Variants in LIPM observed in about 807,000 individuals in gnomAD.
The protein encoded by LIPM is lipase family member M.
A neutral mutation model predicts 42.4 loss-of-function variants in LIPM; 42 were observed. The ratio of observed to expected loss-of-function variants is 0.99; its 90% CI spans 0.77 to 1.28. The LOEUF (loss-of-function observed/expected upper bound fraction) is 1.28. Ranked by LOEUF, LIPM falls within the 50% of genes most tolerant of loss-of-function variation. The pLI is 0.00. For synonymous variants in LIPM, 177 were observed against 173.3 expected (o/e 1.02, Z -0.17); for missense variants, 524 against 520.1 (o/e 1.01, Z -0.07).
At chr10:88,818,397 T>G (rs943580144) in intron 8 of LIPM, among the ~76,000 whole-genome samples, 14 of 152,222 alleles carry the variant, frequency 9.2e-5, no homozygotes, top group Admixed American at 6.5e-4. Context: ...ATAAAAATTT[T>G]GGGCTTAGAA....
chr10:88,813,382 AT>A, intron 3 of LIPM, 87 bp downstream of exon 3: 1 of 1,142,982 alleles, frequency 8.7e-7, no homozygotes, highest in Non-Finnish European at 1.2e-6. Context: ...TATTTGGTTG[AT>A]TTATTTTGGT....
chr10:88,814,198 G>T (rs1224859374), intron 3 of LIPM, among the ~76,000 whole-genome samples: 2 of 152,192 alleles, frequency 1.3e-5, no homozygotes, highest in African/African-American at 2.4e-5. Context: ...TCCTGTAAAT[G>T]AATCTGCAGA....
At chr10:88,818,808 G>T (rs1047689902) in intron 8 of LIPM, among the ~76,000 whole-genome samples, 1 of 152,108 alleles carries the variant, frequency 6.6e-6, no homozygotes, top group African/African-American at 2.4e-5. Flanking sequence ...GGTATCAGCT[G>T]CTTCTCTTGA....
chr10:88,814,681 G>A (rs982771678), intron 4 of LIPM, 42 bp downstream of exon 4: 5 of 1,403,408 alleles, frequency 3.6e-6, no homozygotes, highest in Admixed American at 2.0e-5. Context: ...CGGAAGAAAT[G>A]TGAGCATACG....
At chr10:88,814,212 C>T (rs970945413) in intron 3 of LIPM, among the ~76,000 whole-genome samples, 7 of 152,218 alleles carry the variant, frequency 4.6e-5, no homozygotes, top group South Asian at 2.1e-4. Flanking sequence ...CTGCAGAGCC[C>T]TGTGCGGTTC....
rs766319379 is a variant in LIPM, at chr10:88,815,431, G to C, written c.786G>C (p.Gln262His). The change falls in exon 6 of 9, where the codon CAG becomes CAC. Residue 262 changes from glutamine (Q) to histidine (H), a missense_variant. Transcript: ENST00000404743. ...LRQLVIYLCG[Q>H]VILDQICSNI... Reference sequence around the variant, plus strand: ...AACTTGTTATTTACCTTTGTGGCCAGGTGATTCTTGATCAGATTTGTAGTA... The same window carrying C: ...AACTTGTTATTTACCTTTGTGGCCACGTGATTCTTGATCAGATTTGTAGTA... 1 of 1,551,492 alleles carries C rather than the reference G, an allele frequency of 6.4e-7. No individual in the cohort carries two copies.
chr10:88,807,949 T>G (rs1012696487), intron 1 of LIPM, among the ~76,000 whole-genome samples: 3 of 152,170 alleles, frequency 2.0e-5, no homozygotes, highest in Non-Finnish European at 4.4e-5. Flanking sequence ...ACATCAAAAT[T>G]CCCTAAAGAG....
chr10:88,803,854 G>A (rs752465976), intron 1 of LIPM, among the ~76,000 whole-genome samples: 24 of 152,218 alleles, frequency 1.6e-4, no homozygotes, highest in Middle Eastern at 6.8e-3. Context: ...TAATAGCATA[G>A]CTACTATTTA....
rs562797592 is a variant in LIPM, at chr10:88,806,004, A to AGGTC, written c.148-2293_148-2290dup. The stretch of plus-strand genomic sequence containing the variant: ...ATGACCAGGCCTTTAGACCGCAAAC[A>AGGTC]GGTCAGTCACTGGATGTGGCAGGAA... On this transcript the variant is annotated intron_variant, in intron 1 of 8. Coordinates refer to ENST00000404743, the MANE Select transcript of LIPM (RefSeq NM_001128215.1). The AGGTC allele has an allele frequency of 5.7e-4, 260 of 456,626 alleles. 1 individual carries two copies. The highest frequency in any genetic ancestry group is 4.4e-3 in the African/African-American group (219 of 50,196). The allele number at this position is 456,626 out of a possible 1,614,324, so 28.3% of individuals were successfully genotyped here.
intron 8 of LIPM, among the ~76,000 whole-genome samples, chr10:88,818,237 G>A (rs991897918): frequency 2.6e-5 from 4 of 152,102 alleles, no homozygotes; most frequent in African/African-American, 9.7e-5. Context: ...AAAATGGGAT[G>A]GTGGCAGTAA....
At chr10:88,817,495 C>T (rs748974676) in intron 7 of LIPM, among the ~76,000 whole-genome samples, 14 of 152,190 alleles carry the variant, frequency 9.2e-5, no homozygotes, top group Non-Finnish European at 1.9e-4. Flanking sequence ...TCCAGGATCA[C>T]CACATTGCAC....
chr10:88,818,502 T>G (rs1843745218), intron 8 of LIPM, among the ~76,000 whole-genome samples: 1 of 152,236 alleles, frequency 6.6e-6, no homozygotes, highest in Non-Finnish European at 1.5e-5. Flanking sequence ...CAAGAAAATA[T>G]GTAGCTAATG....
Position 88,808,186 on chromosome 10 carries a change from G to T in LIPM, c.148-112G>T, listed in dbSNP as rs1185977395. 2.1e-5 allele frequency: 13 copies of T among 633,072 alleles called. 1 individual carries two copies. In the African/African-American group the frequency reaches 2.4e-4, roughly 12 times the overall value. 39.2% of individuals were successfully genotyped at this position (633,072 alleles called of 1,614,324 possible). The stretch of plus-strand genomic sequence containing the variant: ...AGGTAACATGATTAGCTAGGGAAAA[G>T]CAAGGACTTTCACTGTGTTTTACAG... On this transcript the variant is annotated intron_variant, in intron 1 of 8. Transcript: ENST00000404743.
intron 2 of LIPM, among the ~76,000 whole-genome samples, chr10:88,811,511 C>T (rs1843656514): frequency 6.6e-6 from 1 of 152,118 alleles, no homozygotes; most frequent in Non-Finnish European, 1.5e-5. Flanking sequence ...ATCTTTCAGC[C>T]AAATTTGCTA....
At chr10:88,815,655 G>A (rs937460459) in intron 6 of LIPM, among the ~76,000 whole-genome samples, 152 bp downstream of exon 6, 1 of 152,160 alleles carries the variant, frequency 6.6e-6, no homozygotes, top group East Asian at 1.9e-4. Context: ...GGAAATAAGG[G>A]AAATGCTTCA....
At chr10:88,804,435 G>A (rs1467283131) in intron 1 of LIPM, among the ~76,000 whole-genome samples, 11 of 152,250 alleles carry the variant, frequency 7.2e-5, no homozygotes, top group Admixed American at 2.6e-4. Flanking sequence ...TAGAAAATTC[G>A]TACGATTGGT....
chr10:88,820,492 C>T lies in LIPM; in HGVS notation c.1263C>T (p.Ala421=), dbSNP rs180702258. 3.9e-3 allele frequency: 6,057 copies of T among 1,550,258 alleles called. 20 individuals are homozygous for T. Among genetic ancestry groups the T allele is most frequent in the Middle Eastern group, 6.1e-3 (35 of 5,692 alleles). The change falls in exon 9 of 9, where the codon GCC becomes GCT. Residue 421 remains alanine, a synonymous_variant. Transcript: ENST00000404743. The part of the protein sequence containing the change: ...ETNLSQGRCE[A]VL Reference sequence around the variant, plus strand: ...ACCTTTCCCAGGGACGGTGTGAGGCCGTATTGTGAAGCATCTGACACTGAC... The same window carrying T: ...ACCTTTCCCAGGGACGGTGTGAGGCTGTATTGTGAAGCATCTGACACTGAC...
rs769184636 is a variant in LIPM at position 88,820,479 on chromosome 10, G to A, written c.1250G>A (p.Gly417Glu). Residue 417 changes from glycine to glutamate, a missense_variant, in exon 9 of 9, where the codon GGA becomes GAA. Transcript: ENST00000404743. ...MQQEETNLSQ[G>E]RCEAVL ...CAGGAGGAGACCAACCTTTCCCAGG[G>A]ACGGTGTGAGGCCGTATTGTGAAGC... is the stretch of plus-strand genomic sequence containing the variant. 13 of 1,551,228 alleles carry A rather than the reference G, an allele frequency of 8.4e-6. No individual in the cohort carries two copies. The East Asian group carries it at 2.4e-4, about 29-fold the overall frequency.
Position 88,815,505 on chromosome 10 carries a change from T to C in LIPM, c.858+2T>C, listed in dbSNP as rs1004371178. The C allele has an allele frequency of 6.4e-7, 1 of 1,550,838 alleles. No individual in the cohort carries two copies. The highest frequency in any genetic ancestry group is 8.7e-7 in the Non-Finnish European group (1 of 1,146,474). ...TTCAACACCAACAATATGAACATGG[T>C]AAGTGGGAGCCTAGTAAATTCCCAG... On this transcript the variant is annotated splice_donor_variant, in intron 6 of 8. Transcript: ENST00000404743. LOFTEE classifies it high-confidence loss of function.
Sources: gnomAD v4.1 joint callset for allele counts (sites outside exome capture counted in the v4.1 genomes callset) on GRCh38, gnomAD v4.1.1 for gene constraint, MANE v1.5 for transcripts, NCBI Gene and HGNC (gene_info 2026-07-23, HGNC 2026-07-21) for gene names.